TM9SF3: variants seen among roughly 807,000 people sequenced by gnomAD.
TM9SF3 encodes the protein transmembrane 9 superfamily member 3.
A neutral mutation model predicts 78.6 loss-of-function variants in TM9SF3; 14 were observed. That is an observed-to-expected ratio of 0.18 (90% CI 0.12 to 0.28). The LOEUF (loss-of-function observed/expected upper bound fraction) is 0.28. Among genes scored for constraint, TM9SF3 ranks in the 10% least tolerant of loss-of-function variants. TM9SF3 has a pLI of 1.00. For missense variants in TM9SF3, 496 were observed against 721.9 expected (o/e 0.69, Z 3.59); for synonymous variants, 231 against 241.7 (o/e 0.96, Z 0.41).
intron 2 of TM9SF3, among the ~76,000 whole-genome samples, chr10:96,572,687 C>T (rs971102345): frequency 1.3e-5 from 2 of 151,816 alleles, no homozygotes; most frequent in African/African-American, 2.4e-5. Context: ...CCACCGTGCC[C>T]GGCGAATTTT....
rs1384410704 is a variant in TM9SF3 at position 96,586,987 on chromosome 10, C to G, written c.-152G>C. Reference sequence around the variant, plus strand: ...GCCCAGCCGCTGCCTCCTCTGCCGCCGCCGTCGCCGTCACCGCCCGCTCCT... The same window carrying G: ...GCCCAGCCGCTGCCTCCTCTGCCGCGGCCGTCGCCGTCACCGCCCGCTCCT... On this transcript the variant is annotated 5_prime_UTR_variant, in exon 1 of 15. Coordinates refer to ENST00000371142, the MANE Select transcript of TM9SF3 (RefSeq NM_020123.4). The G allele has an allele frequency of 5.0e-5, 24 of 478,114 alleles. No homozygotes were observed. The highest frequency in any genetic ancestry group is 6.8e-5 in the Non-Finnish European group (23 of 336,310). 29.6% of individuals were successfully genotyped at this position (478,114 alleles called of 1,614,324 possible).
At chr10:96,524,723 T>A (rs1847819549) in intron 14 of TM9SF3, among the ~76,000 whole-genome samples, 1 of 151,896 alleles carries the variant, frequency 6.6e-6, no homozygotes, top group Non-Finnish European at 1.5e-5. Flanking sequence ...TAGTCATTTT[T>A]TCCTACATTA....
At chr10:96,567,288 GT>G (rs1848387368) in intron 2 of TM9SF3, among the ~76,000 whole-genome samples, 3 of 152,008 alleles carry the variant, frequency 2.0e-5, no homozygotes, top group South Asian at 2.1e-4. Context: ...GTTTCACCAT[GT>G]TAGCAGGCTG....
At chr10:96,564,706 T>G (rs550160300) in intron 3 of TM9SF3, among the ~76,000 whole-genome samples, 1 of 152,322 alleles carries the variant, frequency 6.6e-6, no homozygotes, top group Admixed American at 6.5e-5. Flanking sequence ...GAGAAAAATG[T>G]GATCAAACAT....
intron 10 of TM9SF3, among the ~76,000 whole-genome samples, chr10:96,532,246 AAAT>A (rs910458104): frequency 6.6e-6 from 1 of 151,664 alleles, no homozygotes; most frequent in Non-Finnish European, 1.5e-5. Flanking sequence ...TAAATAAATA[AAAT>A]AATAAACTAC....
chr10:96,553,157 A>G (rs1848194380), intron 5 of TM9SF3, 98 bp from the exon 6 acceptor site: 1 of 1,281,948 alleles, frequency 7.8e-7, no homozygotes, highest in African/African-American at 1.5e-5. Flanking sequence ...AAAGAAAAAA[A>G]AAAGTCTTTA....
chr10:96,571,986 T>C (rs1848442164), intron 2 of TM9SF3, among the ~76,000 whole-genome samples: 1 of 152,212 alleles, frequency 6.6e-6, no homozygotes, highest in Admixed American at 6.5e-5. Flanking sequence ...ACCGTCTGGA[T>C]GCTAGACAAT....
At position 96,521,538 on chromosome 10, in the gene TM9SF3, T is replaced by C. The variant is rs1053509856; in HGVS notation, c.*725A>G. 6.6e-6 allele frequency: 1 copy of C among 152,334 alleles called. No homozygotes were observed. The highest frequency in any genetic ancestry group is 2.4e-5 in the African/African-American group (1 of 41,426). The allele number at this position is 152,334 out of a possible 1,614,324, so 9.4% of individuals were successfully genotyped here. On this transcript the variant is annotated 3_prime_UTR_variant, in exon 15 of 15. Coordinates refer to ENST00000371142, the MANE Select transcript of TM9SF3 (RefSeq NM_020123.4). ...CTTTGCTTTCTAACTGTACAGTAAATTGCATTGTAGAGAGTACACTTCTGT... is the reference window on the plus strand; with the variant it reads ...CTTTGCTTTCTAACTGTACAGTAAACTGCATTGTAGAGAGTACACTTCTGT...
At chr10:96,545,954 C>T (rs1199316950) in intron 8 of TM9SF3, among the ~76,000 whole-genome samples, 1 of 152,124 alleles carries the variant, frequency 6.6e-6, no homozygotes, top group Non-Finnish European at 1.5e-5. Flanking sequence ...TCTCCCTTTC[C>T]TTCTAACAGT....
At chr10:96,572,531 T>C (rs1848447910) in intron 2 of TM9SF3, among the ~76,000 whole-genome samples, 1 of 151,050 alleles carries the variant, frequency 6.6e-6, no homozygotes, top group East Asian at 1.9e-4. Context: ...TTTTCTTTTT[T>C]TTTTTTTTTT....
rs556875070 is a variant in TM9SF3, at chr10:96,533,210, G to A, written c.1186-20C>T. On this transcript the variant is annotated intron_variant, in intron 9 of 14. Coordinates refer to ENST00000371142, the MANE Select transcript of TM9SF3 (RefSeq NM_020123.4). ...GGCCACCTGTAAATTAAATAAAAAT[G>A]TGTGATTACTCAGAGAACAATAACA... 6.8e-6 allele frequency: 11 copies of A among 1,608,920 alleles called. No individual in the cohort carries two copies. The highest frequency in any genetic ancestry group is 5.5e-5 in the South Asian group (5 of 90,522).
At chr10:96,543,929 G>C (rs528131301) in intron 9 of TM9SF3, 147 bp downstream of exon 9, 1 of 722,930 alleles carries the variant, frequency 1.4e-6, no homozygotes, top group South Asian at 3.2e-5. Flanking sequence ...AACAACAGTA[G>C]TATTCTCCTC....
chr10:96,571,862 A>C (rs1848439651), intron 2 of TM9SF3, among the ~76,000 whole-genome samples: 1 of 152,228 alleles, frequency 6.6e-6, no homozygotes, highest in South Asian at 2.1e-4. Flanking sequence ...AAGAATTCTC[A>C]AATGGGGGAA....
intron 11 of TM9SF3, among the ~76,000 whole-genome samples, chr10:96,530,133 C>G (rs993781169): frequency 6.6e-6 from 1 of 152,136 alleles, no homozygotes; most frequent in African/African-American, 2.4e-5. Context: ...TAGGAAATGA[C>G]TATGCATCAA....
intron 9 of TM9SF3, among the ~76,000 whole-genome samples, chr10:96,533,690 A>G (rs1394213240): frequency 6.6e-6 from 1 of 151,966 alleles, no homozygotes; most frequent in Non-Finnish European, 1.5e-5. Context: ...CAAAATTTCA[A>G]CTCAGATCTG....
In TM9SF3 at chr10:96,533,077, C is replaced by A. The variant is rs1847916076; in HGVS notation, c.1299G>T (p.Val433=). The A allele has an allele frequency of 6.2e-7, 1 of 1,614,004 alleles. No homozygotes were observed. The highest frequency in any genetic ancestry group is 1.3e-5 in the African/African-American group (1 of 74,996). Residue 433 remains valine (V), a synonymous_variant, in exon 10 of 15, where the codon GTG becomes GTT. Coordinates refer to ENST00000371142, the MANE Select transcript of TM9SF3 (RefSeq NM_020123.4). ...ATTTTTTCTCCGGTATAGGACGAGG[C>A]ACAGCATTGACACGACAAGGAAAGT... ...QPNFPCRVNA[V]PRPIPEKKWF...
chr10:96,538,326 T>G (rs1180218969), intron 9 of TM9SF3, among the ~76,000 whole-genome samples: 2 of 152,170 alleles, frequency 1.3e-5, no homozygotes, highest in African/African-American at 2.4e-5. Flanking sequence ...AACAGTCATA[T>G]ATAAAACAAA....
rs1372609005 is a variant in TM9SF3 at position 96,573,964 on chromosome 10, T to C, written c.298+2670A>G. On this transcript the variant is annotated intron_variant, in intron 2 of 14. Transcript: ENST00000371142. Reference sequence around the variant, plus strand: ...GACTTAAACGTAAGACCTAAAACCATAAAAATCCTAGAAGAAAACCTAGGC... The same window carrying C: ...GACTTAAACGTAAGACCTAAAACCACAAAAATCCTAGAAGAAAACCTAGGC... 3.9e-5 allele frequency among the ~76,000 whole-genome samples: 6 copies of C among 152,128 alleles called. No individual in the cohort carries two copies. The South Asian group carries it at 1.0e-3, about 26-fold the overall frequency.
intron 7 of TM9SF3, among the ~76,000 whole-genome samples, chr10:96,548,669 G>T (rs1284170332): frequency 1.3e-5 from 2 of 151,664 alleles, no homozygotes; most frequent in Non-Finnish European, 2.9e-5. Flanking sequence ...GTGATGGCAG[G>T]TGCCTATAAT....
Sources: allele counts gnomAD v4.1 joint callset (sites outside exome capture counted in the v4.1 genomes callset), GRCh38; gene constraint gnomAD v4.1.1; transcripts MANE v1.5; gene names NCBI Gene and HGNC (gene_info 2026-07-23, HGNC 2026-07-21).